The following AHCTF1 variants were observed in gnomAD, a reference collection of about 807,000 sequenced individuals.
AHCTF1 encodes the protein protein ELYS.
AHCTF1 carries 24 observed loss-of-function variants against 248.4 expected under a neutral mutation model. The observed-to-expected ratio is 0.10, with a 90% CI of 0.07 to 0.14. The LOEUF (loss-of-function observed/expected upper bound fraction) is 0.14. Ranked by LOEUF, AHCTF1 falls within the 10% of genes least tolerant of loss-of-function variation. The pLI is 1.00. For synonymous variants in AHCTF1, 786 were observed against 929.8 expected, an observed-to-expected ratio of 0.85 and a Z score of 2.81; for missense variants, 2,206 against 2,636.2, an observed-to-expected ratio of 0.84 and a Z score of 3.57.
chr1:246,871,956 C>A (rs1295841178), intron 24 of AHCTF1, among the ~76,000 whole-genome samples: 3 of 151,642 alleles, frequency 2.0e-5, no homozygotes, highest in Admixed American at 2.0e-4. Context: ...ACATCCTACT[C>A]CACAAGTCCC....
intron 1 of AHCTF1, among the ~76,000 whole-genome samples, chr1:246,930,959 C>G (rs1442766875): frequency 6.6e-6 from 1 of 152,190 alleles, no homozygotes; most frequent in Non-Finnish European, 1.5e-5. Flanking sequence ...CAAACCAAAA[C>G]AGTCAACCAG....
intron 24 of AHCTF1, among the ~76,000 whole-genome samples, chr1:246,871,846 A>G (rs535295727): frequency 6.6e-6 from 1 of 152,288 alleles, no homozygotes. Flanking sequence ...AAAATAAAAA[A>G]TAAAAATTTG....
chr1:246,927,153 G>C (rs1487680025), intron 1 of AHCTF1, among the ~76,000 whole-genome samples: 3 of 151,196 alleles, frequency 2.0e-5, no homozygotes, highest in African/African-American at 7.3e-5. Context: ...ACTCCAGCCT[G>C]GGCGACAGAG....
rs1660688088 is a variant in AHCTF1, at chr1:246,851,145, C to T, written c.4861G>A (p.Ala1621Thr). Residue 1621 changes from alanine to threonine, a missense_variant, in exon 33 of 36, where the codon GCA becomes ACA. This residue lies in a region of AHCTF1 where 955 missense variants were observed against 1,055.6 expected (regional missense o/e 0.90). Transcript: ENST00000648844. ...SDVLPKAANT[A>T]TEEKLVCSGE... is the part of the protein sequence containing the mutation. ...CTGCATACAAGTTTTTCTTCAGTTG[C>T]TGTGTTAGCTGCTTTAGGTAACACA... The T allele has an allele frequency of 1.2e-6, 2 of 1,613,808 alleles. No homozygotes were observed. Among genetic ancestry groups the T allele is most frequent in the Non-Finnish European group, 1.7e-6 (2 of 1,179,858 alleles).
chr1:246,880,567 C>CAAAAAAAA (rs370055569), intron 21 of AHCTF1, among the ~76,000 whole-genome samples: 1 of 54,506 alleles, frequency 1.8e-5, no homozygotes, highest in Non-Finnish European at 4.0e-5. Context: ...GACTCCAGCT[C>CAAAAAAAA]AAAAAAAAAA....
chr1:246,881,998 T>C (rs1663471449), intron 21 of AHCTF1, among the ~76,000 whole-genome samples: 1 of 135,822 alleles, frequency 7.4e-6, no homozygotes, highest in Non-Finnish European at 1.6e-5. Flanking sequence ...TATTACTTTT[T>C]TTTTTGTTTT....
At position 246,862,009 on chromosome 1, in the gene AHCTF1, T is replaced by C; in HGVS notation, c.3685A>G (p.Thr1229Ala). 6.2e-7 allele frequency: 1 copy of C among 1,613,196 alleles called. No homozygotes were observed. Among genetic ancestry groups the C allele is most frequent in the Non-Finnish European group, 8.5e-7 (1 of 1,179,724 alleles). Residue 1229 changes from threonine to alanine, a missense_variant, in exon 28 of 36, where the codon ACT becomes GCT. Transcript: ENST00000648844. ...TCTTCTTCCACAAATGAAATTCTAG[T>C]TTCTTTAAGTCGTTGAGGAGACCTT... is the stretch of plus-strand genomic sequence containing the variant. ...PGRSPQRLKE[T>A]RISFVEEDVH...
In AHCTF1 at chr1:246,849,814, T is replaced by C. The variant is rs2103040638; in HGVS notation, c.6192A>G (p.Val2064=). Residue 2064 remains valine (V), a synonymous_variant, in exon 33 of 36, where the codon GTA becomes GTG. Coordinates refer to ENST00000648844, the MANE Select transcript of AHCTF1 (RefSeq NM_001323342.2). ...TCATTTCATCTGTGCGTTCTTCTGA[T>C]ACTGAGTGCAATGAACGTTTTTGGC... is the stretch of plus-strand genomic sequence containing the variant. ...SQSQKRSLHS[V]SEERTDEMTH... is the part of the protein sequence containing the mutation. 2 of 1,614,028 alleles carry C rather than the reference T, an allele frequency of 1.2e-6. No individual in the cohort carries two copies. Among genetic ancestry groups the C allele is most frequent in the African/African-American group, 1.3e-5 (1 of 75,060 alleles).
intron 1 of AHCTF1, among the ~76,000 whole-genome samples, chr1:246,919,657 G>C (rs1490299257): frequency 6.8e-6 from 1 of 148,022 alleles, no homozygotes; most frequent in South Asian, 2.1e-4. Flanking sequence ...AGGTTGCAGT[G>C]AGCCTCACTG....
At chr1:246,913,126 C>A (rs1040596296) in intron 4 of AHCTF1, 106 bp downstream of exon 4, 3 of 885,532 alleles carry the variant, frequency 3.4e-6, no homozygotes, top group Non-Finnish European at 4.8e-6. Flanking sequence ...AGGAAGATAT[C>A]TTTTATTTTA....
intron 1 of AHCTF1, among the ~76,000 whole-genome samples, chr1:246,923,398 G>C (rs2103247875): frequency 6.6e-6 from 1 of 152,094 alleles, no homozygotes; most frequent in African/African-American, 2.4e-5. Context: ...CTAGGTGACA[G>C]CAAGACTCTG....
At chr1:246,868,813 A>C (rs144509730) in intron 24 of AHCTF1, among the ~76,000 whole-genome samples, 1 of 145,902 alleles carries the variant, frequency 6.9e-6, no homozygotes, top group Non-Finnish European at 1.5e-5. Flanking sequence ...ACCTCATTTT[A>C]TTGTGCTTTG....
Position 246,901,525 on chromosome 1 carries a change from G to A in AHCTF1, c.1117+1000C>T, listed in dbSNP as rs928269975. Among the ~76,000 whole-genome samples, 8 of 152,208 alleles carry A rather than the reference G, an allele frequency of 5.3e-5. 1 individual carries two copies. The highest frequency in any genetic ancestry group is 2.6e-4 in the Admixed American group (4 of 15,276). On this transcript the variant is annotated intron_variant, in intron 8 of 35. Transcript: ENST00000648844. ...TGTAGCCCCAGCTACTTAGGGGGCTGAAGCAGGAGAATGGCATGAACCCCG... is the reference window on the plus strand; with the variant it reads ...TGTAGCCCCAGCTACTTAGGGGGCTAAAGCAGGAGAATGGCATGAACCCCG...
chr1:246,900,766 T>C (rs1343329394), intron 8 of AHCTF1, among the ~76,000 whole-genome samples: 1 of 152,196 alleles, frequency 6.6e-6, no homozygotes, highest in Non-Finnish European at 1.5e-5. Flanking sequence ...AAGTACAAAA[T>C]GATTTGAATG....
rs149594899 is a variant in AHCTF1, at chr1:246,890,247, T to C, written c.2051-188A>G. Among the ~76,000 whole-genome samples, 1,195 of 152,318 alleles carry C rather than the reference T, an allele frequency of 7.8e-3. 24 individuals carry two copies. In the South Asian group the frequency reaches 0.094, roughly 12 times the overall value. On this transcript the variant is annotated intron_variant, in intron 16 of 35. Transcript: ENST00000648844. Reference sequence around the variant, plus strand: ...CAGAGGCACAAGTGAGAAAATGATCTGTCATGAAAGTCTAACTACATGGAT... The same window carrying C: ...CAGAGGCACAAGTGAGAAAATGATCCGTCATGAAAGTCTAACTACATGGAT...
At chr1:246,897,843 T>C (rs1664698639) in intron 12 of AHCTF1, among the ~76,000 whole-genome samples, 1 of 149,782 alleles carries the variant, frequency 6.7e-6, no homozygotes, top group Admixed American at 6.7e-5. Context: ...CTAAGCATAG[T>C]TGTGCCTGTC....
At chr1:246,888,271 TAC>T in intron 18 of AHCTF1, 38 bp from the exon 19 acceptor site, 1 of 1,613,218 alleles carries the variant, frequency 6.2e-7, no homozygotes, top group Non-Finnish European at 8.5e-7. Flanking sequence ...GTGGATCTTA[TAC>T]AGTCATTCAT....
intron 26 of AHCTF1, chr1:246,864,334 TAA>T (rs1661797348): frequency 2.2e-6 from 1 of 459,854 alleles, no homozygotes; most frequent in South Asian, 4.8e-5. Flanking sequence ...AACTGATTTT[TAA>T]AAAGAGTTTG....
At chr1:246,919,587 C>T (rs1173752537) in intron 1 of AHCTF1, among the ~76,000 whole-genome samples, 1 of 151,902 alleles carries the variant, frequency 6.6e-6, no homozygotes, top group African/African-American at 2.4e-5. Context: ...GTGGCACACA[C>T]CTGTAGTCTC....
Sources: allele counts gnomAD v4.1 joint callset (sites outside exome capture counted in the v4.1 genomes callset), GRCh38; gene constraint gnomAD v4.1.1; regional missense constraint gnomAD v4.1.1; transcripts MANE v1.5; gene names NCBI Gene and HGNC (gene_info 2026-07-23, HGNC 2026-07-21).